The following MGST2 variants were observed in gnomAD, a reference collection of about 807,000 sequenced individuals.
MGST2 encodes microsomal glutathione S-transferase 2.
In MGST2, 9 loss-of-function variants were observed where a neutral mutation model predicts 16.6. That is an observed-to-expected ratio of 0.54 (90% CI 0.33 to 0.95). The LOEUF (loss-of-function observed/expected upper bound fraction) is 0.95, where lower values mean the gene tolerates loss of function less well. Ranked by LOEUF, MGST2 falls within the 40% of genes least tolerant of loss-of-function variation. The pLI is 0.03. For missense variants in MGST2, 159 were observed against 175.1 expected, an observed-to-expected ratio of 0.91 and a Z score of 0.52; for synonymous variants, 79 against 68.0, an observed-to-expected ratio of 1.16 and a Z score of -0.79.
intron 5 of MGST2, among the ~76,000 whole-genome samples, chr4:139,709,703 A>T (rs1727668226): frequency 6.6e-6 from 1 of 152,228 alleles, no homozygotes; most frequent in Non-Finnish European, 1.5e-5. Context: ...ATCTGAAGAG[A>T]AGTTAAAACC....
intron 5 of MGST2, chr4:139,716,717 C>A (rs2646062): frequency 0.99 from 150,891 of 152,680 alleles, 74,578 homozygotes; most frequent in East Asian, 1. Context: ...AAGATTGGAG[C>A]TCCAGTGAGG....
intron 3 of MGST2, among the ~76,000 whole-genome samples, chr4:139,700,176 G>C (rs1361873529): frequency 8.0e-6 from 1 of 124,288 alleles, no homozygotes; most frequent in Non-Finnish European, 1.6e-5. Flanking sequence ...TTGTTGCCCA[G>C]GCTGGAGTGC....
chr4:139,722,387 A>G (rs1198082967), intron 5 of MGST2, among the ~76,000 whole-genome samples: 2 of 152,216 alleles, frequency 1.3e-5, no homozygotes, highest in Non-Finnish European at 2.9e-5. Context: ...TACAAAGGAA[A>G]AAAATTCAGA....
chr4:139,748,096 G>A, the MGST2 span, among the ~76,000 whole-genome samples: 4 of 150,560 alleles, frequency 2.7e-5, no homozygotes, highest in Admixed American at 2.6e-4. Flanking sequence ...TATAGAGGTA[G>A]TGGGCCTTTG....
chr4:139,746,622 T>G, the MGST2 span, among the ~76,000 whole-genome samples: 1 of 152,150 alleles, frequency 6.6e-6, no homozygotes. Context: ...GGCCCCTCGT[T>G]GCCATGGTCT....
intron 5 of MGST2, among the ~76,000 whole-genome samples, chr4:139,711,440 G>A (rs1727737574): frequency 6.6e-6 from 1 of 152,124 alleles, no homozygotes; most frequent in Non-Finnish European, 1.5e-5. Context: ...TATTTTTATG[G>A]TTATCTCTTG....
chr4:139,705,508 G>T (rs1372810833), downstream of MGST2: 1 of 151,450 alleles, frequency 6.6e-6, no homozygotes, highest in East Asian at 1.9e-4. Context: ...ATTTCAGCCA[G>T]TTTTTTTTTA....
downstream of MGST2, among the ~76,000 whole-genome samples, chr4:139,742,180 G>C (rs189711136): frequency 7.0e-6 from 1 of 143,650 alleles, no homozygotes; most frequent in Non-Finnish European, 1.5e-5. Flanking sequence ...AGAGAGTCTC[G>C]CTCTGTCAGC....
At position 139,703,439 on chromosome 4, in the gene MGST2, T is replaced by C. The variant is rs756428003; in HGVS notation, c.230-16T>C. 1.8e-5 allele frequency: 29 copies of C among 1,610,986 alleles called. No homozygotes were observed. Among genetic ancestry groups the C allele is most frequent in the Middle Eastern group, 1.7e-4 (1 of 6,044 alleles). ...GTATTTTGTGCCTTTTCTTTTTTTT[T>C]CCCACCCCCCTATAGTTTTTGCTAC... On this transcript the variant is annotated splice_polypyrimidine_tract_variant and intron_variant, in intron 3 of 4. Coordinates refer to ENST00000265498, the MANE Select transcript of MGST2 (RefSeq NM_002413.5).
At chr4:139,720,335 AAG>A in intron 5 of MGST2, 1 of 1,516,962 alleles carries the variant, frequency 6.6e-7, no homozygotes, top group East Asian at 2.3e-5. Context: ...TGCAGTGAAA[AAG>A]AGGACACATA....
At chr4:139,712,832 A>T (rs980926615) in intron 5 of MGST2, among the ~76,000 whole-genome samples, 8 of 152,256 alleles carry the variant, frequency 5.3e-5, no homozygotes, top group African/African-American at 1.9e-4. Context: ...ACACCATTCC[A>T]GTCAAAGCCT....
chr4:139,737,945 C>A (rs1317782994), intron 5 of MGST2, among the ~76,000 whole-genome samples: 1 of 152,166 alleles, frequency 6.6e-6, no homozygotes, highest in Non-Finnish European at 1.5e-5. Context: ...AGGCAGAGTT[C>A]ATCAATTTAG....
Position 139,704,148 on chromosome 4 carries a change from ACTTTTTCTCTT to A in MGST2, c.*2_*12del. On this transcript the variant is annotated 3_prime_UTR_variant, in exon 5 of 5. Transcript: ENST00000265498. ...CCAAGAAACTGAGGCGGCAATTCTA[ACTTTTTCTCTT>A]CCCTTTAATACTTGCAGAAGCTGTT... is the stretch of plus-strand genomic sequence containing the variant. 6.2e-7 allele frequency: 1 copy of A among 1,614,206 alleles called. No homozygotes were observed. The highest frequency in any genetic ancestry group is 1.3e-5 in the African/African-American group (1 of 75,050).
downstream of MGST2, among the ~76,000 whole-genome samples, chr4:139,707,769 C>A (rs1214348084): frequency 1.3e-5 from 2 of 152,122 alleles, no homozygotes; most frequent in Admixed American, 6.5e-5. Flanking sequence ...GAGATGGTAT[C>A]TCATTGTGGT....
intron 5 of MGST2, among the ~76,000 whole-genome samples, chr4:139,731,978 A>C (rs1728745101): frequency 6.6e-6 from 1 of 152,228 alleles, no homozygotes; most frequent in Non-Finnish European, 1.5e-5. Context: ...ATTCTGCAGA[A>C]ATTCCTTCTA....
chr4:139,713,454 T>G (rs1727812061), intron 5 of MGST2, among the ~76,000 whole-genome samples: 1 of 132,154 alleles, frequency 7.6e-6, no homozygotes, highest in African/African-American at 3.0e-5. Context: ...CTCTCGTGTG[T>G]TCATTAAGAG....
intron 2 of MGST2, among the ~76,000 whole-genome samples, chr4:139,679,883 C>T (rs1441507398): frequency 6.6e-6 from 1 of 152,184 alleles, no homozygotes; most frequent in African/African-American, 2.4e-5. Flanking sequence ...GCATGTCCCA[C>T]ACCTCAAAAT....
At chr4:139,691,681 TG>T (rs1560747772) in intron 2 of MGST2, among the ~76,000 whole-genome samples, 136 of 138,484 alleles carry the variant, frequency 9.8e-4, no homozygotes, top group East Asian at 9.7e-3. Flanking sequence ...ATGATGATGA[TG>T]ATGATGATGA....
downstream of MGST2, among the ~76,000 whole-genome samples, chr4:139,741,982 G>A (rs1729180494): frequency 6.6e-6 from 1 of 152,026 alleles, no homozygotes; most frequent in Non-Finnish European, 1.5e-5. Flanking sequence ...TGAAAGACTT[G>A]GAGACACACG....
Sources: allele counts gnomAD v4.1 joint callset (sites outside exome capture counted in the v4.1 genomes callset), GRCh38; gene constraint gnomAD v4.1.1; transcripts MANE v1.5; gene names NCBI Gene and HGNC (gene_info 2026-07-23, HGNC 2026-07-21).